The following AKT3 variants were observed in gnomAD, a reference collection of about 807,000 sequenced individuals.
The protein encoded by AKT3 is AKT serine/threonine kinase 3, also known as RAC-gamma serine/threonine-protein kinase.
Under a neutral mutation model 65.3 loss-of-function variants are expected in AKT3, and 15 were observed. That is an observed-to-expected ratio of 0.23 (90% CI 0.15 to 0.35). The LOEUF is 0.35. Ranked by LOEUF, AKT3 falls within the 10% of genes least tolerant of loss-of-function variation. The pLI is 1.00. For missense variants in AKT3, 243 were observed against 576.5 expected (o/e 0.42, Z 5.92); for synonymous variants, 206 against 183.8 (o/e 1.12, Z -0.98).
chr1:243,822,624 A>G lies in AKT3; in HGVS notation c.46+20501T>C, dbSNP rs1693928589. ...ATCACCACTGACCCCACAGAAACAC[A>G]AACTACCATCAGAGAATACTATAAA... On this transcript the variant is annotated intron_variant, in intron 2 of 13. Transcript: ENST00000673466. 2.6e-5 allele frequency among the ~76,000 whole-genome samples: 4 copies of G among 152,196 alleles called. No homozygotes were observed. The South Asian group carries it at 8.3e-4, about 32-fold the overall frequency.
intron 10 of AKT3, among the ~76,000 whole-genome samples, chr1:243,562,705 A>G (rs1673883298): frequency 6.6e-6 from 1 of 152,098 alleles, no homozygotes; most frequent in African/African-American, 2.4e-5. Flanking sequence ...CAACAGCCCA[A>G]ATAAGGTACC....
intron 5 of AKT3, among the ~76,000 whole-genome samples, chr1:243,638,203 A>T (rs1345684360): frequency 6.6e-6 from 1 of 152,170 alleles, no homozygotes; most frequent in East Asian, 1.9e-4. Context: ...TCCAAGAAAG[A>T]GAGAGATATA....
intron 8 of AKT3, among the ~76,000 whole-genome samples, chr1:243,591,176 T>C (rs1040036967): frequency 3.3e-5 from 5 of 152,198 alleles, no homozygotes; most frequent in African/African-American, 1.2e-4. Context: ...GCAGCACCTG[T>C]ATGTGGGGAA....
chr1:243,644,603 A>G (rs777019972), intron 5 of AKT3, among the ~76,000 whole-genome samples: 3 of 152,190 alleles, frequency 2.0e-5, no homozygotes, highest in Non-Finnish European at 4.4e-5. Flanking sequence ...GTTAGCTACT[A>G]TTCTTTGTCC....
In AKT3 at chr1:243,574,142, C is replaced by T. The variant is rs575184388; in HGVS notation, c.697-1094G>A. Among the ~76,000 whole-genome samples the T allele has an allele frequency of 5.3e-5, 8 of 152,208 alleles. No individual in the cohort carries two copies. The South Asian group carries it at 1.7e-3, about 32-fold the overall frequency. The stretch of plus-strand genomic sequence containing the variant: ...CATGGATCATTGACTCATAATGTTT[C>T]TACAAAATTGGTGAAAATTATGGTT... On this transcript the variant is annotated intron_variant, in intron 8 of 13. Coordinates refer to ENST00000673466, the MANE Select transcript of AKT3 (RefSeq NM_005465.7).
intron 1 of AKT3, among the ~76,000 whole-genome samples, chr1:243,849,441 G>A (rs981736841): frequency 3.4e-5 from 5 of 148,716 alleles, no homozygotes; most frequent in African/African-American, 1.0e-4. Context: ...TGGCGGGGAA[G>A]GGTGGGGGAA....
At chr1:243,655,695 T>A (rs1383679984) in intron 4 of AKT3, among the ~76,000 whole-genome samples, 1 of 152,102 alleles carries the variant, frequency 6.6e-6, no homozygotes, top group Non-Finnish European at 1.5e-5. Context: ...TCAAAGCAAA[T>A]CTATTTCCAG....
intron 2 of AKT3, among the ~76,000 whole-genome samples, chr1:243,719,589 T>C (rs545025385): frequency 3.9e-5 from 6 of 152,302 alleles, no homozygotes; most frequent in Admixed American, 2.6e-4. Flanking sequence ...GACAACTTAG[T>C]GCTTTACTAC....
intron 2 of AKT3, among the ~76,000 whole-genome samples, chr1:243,701,831 T>C (rs1685482609): frequency 6.6e-6 from 1 of 152,146 alleles, no homozygotes; most frequent in South Asian, 2.1e-4. Context: ...GGGAGCATCC[T>C]CACATGTATG....
intron 2 of AKT3, among the ~76,000 whole-genome samples, chr1:243,790,004 G>A (rs551107946): frequency 3.7e-4 from 57 of 152,244 alleles, no homozygotes; most frequent in African/African-American, 1.1e-3. Flanking sequence ...TGGCTTCCAG[G>A]CTCTCTTTTT....
rs367843350 is a variant in AKT3 at position 243,649,856 on chromosome 1, T to A, written c.285-3819A>T. 8.5e-5 allele frequency among the ~76,000 whole-genome samples: 13 copies of A among 152,320 alleles called. No individual in the cohort carries two copies. The East Asian group carries it at 1.7e-3, about 20-fold the overall frequency. On this transcript the variant is annotated intron_variant, in intron 4 of 13. Transcript: ENST00000673466. ...GGTTCCAAGTCTTTGCTATTGTGAA[T>A]AGTGCCGCAATAAACATACGTGTGC...
chr1:243,656,805 T>C (rs1401386619), intron 4 of AKT3, among the ~76,000 whole-genome samples: 6 of 152,260 alleles, frequency 3.9e-5, no homozygotes, highest in Admixed American at 1.3e-4. Flanking sequence ...GTTGTGACAG[T>C]GAAAGTAGTT....
At chr1:243,685,917 C>A (rs1048687076) in intron 3 of AKT3, among the ~76,000 whole-genome samples, 1 of 152,142 alleles carries the variant, frequency 6.6e-6, no homozygotes, top group African/African-American at 2.4e-5. Context: ...TCTCAGGATA[C>A]AAAATCAATG....
chr1:243,608,568 C>T (rs201018273), intron 8 of AKT3, among the ~76,000 whole-genome samples: 102 of 152,128 alleles, frequency 6.7e-4, no homozygotes, highest in Non-Finnish European at 1.1e-3. Context: ...AGTATTCTCA[C>T]GCTCAAGTCC....
At chr1:243,587,043 G>T (rs888521471) in intron 8 of AKT3, among the ~76,000 whole-genome samples, 1 of 152,092 alleles carries the variant, frequency 6.6e-6, no homozygotes, top group Admixed American at 6.6e-5. Context: ...AAAAAATTGG[G>T]TAAAGGTACA....
At chr1:243,840,513 T>C (rs2148471432) in intron 2 of AKT3, among the ~76,000 whole-genome samples, 1 of 152,268 alleles carries the variant, frequency 6.6e-6, no homozygotes, top group East Asian at 1.9e-4. Flanking sequence ...TAAAGTAAAA[T>C]AAAATAAATC....
intron 2 of AKT3, among the ~76,000 whole-genome samples, chr1:243,749,347 T>C (rs1034552946): frequency 1.3e-5 from 2 of 152,174 alleles, no homozygotes; most frequent in African/African-American, 4.8e-5. Flanking sequence ...ATGATTGTTT[T>C]CTAAAGGAAT....
At chr1:243,717,333 T>C (rs1686575457) in intron 2 of AKT3, among the ~76,000 whole-genome samples, 1 of 152,198 alleles carries the variant, frequency 6.6e-6, no homozygotes, top group Admixed American at 6.5e-5. Context: ...TGGGTCAAGA[T>C]TTTTAATTTT....
intron 4 of AKT3, among the ~76,000 whole-genome samples, chr1:243,660,837 T>C (rs1426496220): frequency 2.6e-5 from 4 of 152,066 alleles, no homozygotes; most frequent in African/African-American, 9.7e-5. Context: ...AAAATCTCCT[T>C]AAGCTGATAA....
Sources: allele counts gnomAD v4.1 joint callset (sites outside exome capture counted in the v4.1 genomes callset), GRCh38; gene constraint gnomAD v4.1.1; transcripts MANE v1.5; gene names NCBI Gene and HGNC (gene_info 2026-07-23, HGNC 2026-07-21).